The following PPP2R2A variants were observed in gnomAD, a reference collection of about 807,000 sequenced individuals.
PPP2R2A encodes the protein serine/threonine-protein phosphatase 2A 55 kDa regulatory subunit B alpha isoform.
PPP2R2A carries 9 observed loss-of-function variants against 53.2 expected under a neutral mutation model. That is an observed-to-expected ratio of 0.17 (90% confidence interval 0.10 to 0.30). PPP2R2A has a LOEUF of 0.30. PPP2R2A is among the 10% of genes least tolerant of loss of function. The probability of loss-of-function intolerance (pLI) is 1.00; values close to 1 mark genes in which losing one functional copy is unlikely to be tolerated. For synonymous variants in PPP2R2A, 169 were observed against 174.2 expected (o/e 0.97, Z 0.23); for missense variants, 235 against 534.6 (o/e 0.44, Z 5.53).
chr8:26,301,601 A>G (rs1475041994), intron 2 of PPP2R2A, among the ~76,000 whole-genome samples: 23 of 152,146 alleles, frequency 1.5e-4, no homozygotes, highest in Admixed American at 1.5e-3. Flanking sequence ...TAGATGGGTT[A>G]TAAGGGCTTT....
At chr8:26,344,311 C>T (rs988154425) in intron 3 of PPP2R2A, among the ~76,000 whole-genome samples, 2 of 152,084 alleles carry the variant, frequency 1.3e-5, no homozygotes, top group Admixed American at 6.5e-5. Context: ...TCCAAGAGCA[C>T]CCTGCTAGGT....
At chr8:26,333,646 T>G (rs1277423147) in intron 2 of PPP2R2A, 1 of 685,378 alleles carries the variant, frequency 1.5e-6, no homozygotes, top group Non-Finnish European at 1.9e-6. Context: ...CCCATTTATA[T>G]ATACTATTTG....
At chr8:26,355,827 G>A (rs536779875) in intron 4 of PPP2R2A, among the ~76,000 whole-genome samples, 27 of 149,854 alleles carry the variant, frequency 1.8e-4, no homozygotes, top group Non-Finnish European at 3.1e-4. Context: ...CCGAGATCGC[G>A]CCATTGCACT....
At chr8:26,315,647 G>T (rs991154497) in intron 2 of PPP2R2A, among the ~76,000 whole-genome samples, 1 of 152,078 alleles carries the variant, frequency 6.6e-6, no homozygotes, top group South Asian at 2.1e-4. Flanking sequence ...GCCCTGCAAG[G>T]TACCTGGTGC....
At position 26,321,439 on chromosome 8, in the gene PPP2R2A, G is replaced by A. The variant is rs890976481; in HGVS notation, c.83-17451G>A. On this transcript the variant is annotated intron_variant, in intron 2 of 9. Coordinates refer to ENST00000380737, the MANE Select transcript of PPP2R2A (RefSeq NM_002717.4). This position sits in a 1 kb window ranked among gnomAD's most constrained non-coding sequence, Gnocchi z 4.1. The stretch of plus-strand genomic sequence containing the variant: ...GGTATTTATGTCTCTGTGTAACCTT[G>A]TCCCTTTGAGTGTTTCTGGACCTCT... Among the ~76,000 whole-genome samples the A allele has an allele frequency of 6.6e-6, 1 of 152,172 alleles. No individual in the cohort carries two copies. The highest frequency in any genetic ancestry group is 1.5e-5 in the Non-Finnish European group (1 of 68,034).
intron 2 of PPP2R2A, among the ~76,000 whole-genome samples, chr8:26,311,962 T>C (rs1017303757): frequency 3.3e-5 from 5 of 152,286 alleles, no homozygotes; most frequent in Non-Finnish European, 7.4e-5. Flanking sequence ...ACGGAGGCTC[T>C]AAAACACCCT....
chr8:26,361,254 G>T (rs1194432587), intron 6 of PPP2R2A, 103 bp downstream of exon 6: 1 of 1,175,192 alleles, frequency 8.5e-7, no homozygotes, highest in East Asian at 2.5e-5. Flanking sequence ...TTTATAGTCT[G>T]TGTACATATA....
chr8:26,296,370 A>G (rs905491662), intron 2 of PPP2R2A, among the ~76,000 whole-genome samples: 6 of 152,148 alleles, frequency 3.9e-5, no homozygotes, highest in African/African-American at 1.2e-4. Flanking sequence ...AGCTAAACAG[A>G]TACTGTTCTT....
At chr8:26,336,541 C>T (rs768492390) in intron 2 of PPP2R2A, among the ~76,000 whole-genome samples, 14 of 152,016 alleles carry the variant, frequency 9.2e-5, no homozygotes, top group Non-Finnish European at 1.6e-4. Context: ...CTAGGTTTTA[C>T]GTGTTCAGTT....
At chr8:26,350,773 A>C (rs921917694) in intron 3 of PPP2R2A, 1 of 152,156 alleles carries the variant, frequency 6.6e-6, no homozygotes, top group Non-Finnish European at 1.5e-5. Flanking sequence ...GAAATCTCTT[A>C]TAATTTTCTG....
chr8:26,294,481 A>G lies in PPP2R2A; in HGVS notation c.82+741A>G, dbSNP rs764869524. ...GCATTCATTTGAGATGGTCTTAGGC[A>G]GCGGAGGCATTTTCCACAAAGTTGT... On this transcript the variant is annotated intron_variant, in intron 2 of 9. Coordinates refer to ENST00000380737, the MANE Select transcript of PPP2R2A (RefSeq NM_002717.4). Among the ~76,000 whole-genome samples the G allele has an allele frequency of 1.2e-4, 19 of 152,186 alleles. 1 individual carries two copies. Among genetic ancestry groups the G allele is most frequent in the Non-Finnish European group, 2.4e-4 (16 of 68,030 alleles).
intron 8 of PPP2R2A, among the ~76,000 whole-genome samples, chr8:26,364,716 A>T (rs997417347): frequency 6.6e-6 from 1 of 152,252 alleles, no homozygotes; most frequent in African/African-American, 2.4e-5. Flanking sequence ...GAAACAAAAG[A>T]CAAAATACTG....
chr8:26,317,844 A>AT (rs1802635343), intron 2 of PPP2R2A, among the ~76,000 whole-genome samples: 1 of 152,158 alleles, frequency 6.6e-6, no homozygotes, highest in Admixed American at 6.5e-5. Flanking sequence ...ATTACCCAGG[A>AT]TTGCAGGTTT....
At chr8:26,316,804 C>A (rs1802578397) in intron 2 of PPP2R2A, among the ~76,000 whole-genome samples, 1 of 152,230 alleles carries the variant, frequency 6.6e-6, no homozygotes, top group African/African-American at 2.4e-5. Flanking sequence ...TAATCGCATT[C>A]ATGAGGGCTC....
intron 2 of PPP2R2A, among the ~76,000 whole-genome samples, chr8:26,328,271 C>T (rs1391204096): frequency 6.6e-6 from 1 of 152,104 alleles, no homozygotes; most frequent in Non-Finnish European, 1.5e-5. Flanking sequence ...TATATTTATA[C>T]TTCTTTATAG....
At chr8:26,337,329 G>A (rs982393012) in intron 2 of PPP2R2A, among the ~76,000 whole-genome samples, 7 of 152,160 alleles carry the variant, frequency 4.6e-5, no homozygotes, top group Admixed American at 2.6e-4. Flanking sequence ...TGTGTCTTCA[G>A]GGTGTCTGTG....
chr8:26,291,937 G>A (rs1420796886), intron 1 of PPP2R2A, 111 bp downstream of exon 1: 4 of 1,475,508 alleles, frequency 2.7e-6, no homozygotes, highest in Non-Finnish European at 3.7e-6. Context: ...GGCGCCCCTC[G>A]GGTTTGAGGG....
chr8:26,305,493 T>G (rs1194352858), intron 2 of PPP2R2A, among the ~76,000 whole-genome samples: 1 of 152,192 alleles, frequency 6.6e-6, no homozygotes, highest in Admixed American at 6.5e-5. Context: ...TTAAAACTCC[T>G]GTTTGATTGA....
chr8:26,323,806 A>G (rs535021678), intron 2 of PPP2R2A, among the ~76,000 whole-genome samples: 5 of 152,126 alleles, frequency 3.3e-5, no homozygotes, highest in South Asian at 2.1e-4. Context: ...TGATTAAGTC[A>G]TTGGCCGTTT....
Sources: gnomAD v4.1 joint callset for allele counts (sites outside exome capture counted in the v4.1 genomes callset) on GRCh38, gnomAD v4.1.1 for gene constraint, Gnocchi (gnomAD v3.1) non-coding constraint, MANE v1.5 for transcripts, NCBI Gene and HGNC (gene_info 2026-07-23, HGNC 2026-07-21) for gene names.